The following CCSER1 variants were observed in gnomAD, a reference collection of about 807,000 sequenced individuals.
The protein encoded by CCSER1 is coiled-coil serine rich protein 1.
CCSER1 carries 41 observed loss-of-function variants against 82.0 expected under a neutral mutation model. The ratio of observed to expected loss-of-function variants is 0.50; its 90% CI spans 0.39 to 0.65. CCSER1 has a LOEUF of 0.65. Among genes scored for constraint, CCSER1 ranks in the 30% least tolerant of loss-of-function variants. The pLI, the probability that CCSER1 is intolerant of heterozygous loss-of-function variation, is 0.00. For missense variants in CCSER1, 1,119 were observed against 1,064.2 expected (o/e 1.05, Z -0.72); for synonymous variants, 414 against 383.9 (o/e 1.08, Z -0.92).
intron 7 of CCSER1, among the ~76,000 whole-genome samples, chr4:90,799,714 T>G (rs1756532524): frequency 6.6e-6 from 1 of 152,134 alleles, no homozygotes; most frequent in Non-Finnish European, 1.5e-5. Flanking sequence ...TGGGAGCAAG[T>G]CAAACCAAGG....
chr4:90,884,263 A>T (rs1048812966), intron 8 of CCSER1, among the ~76,000 whole-genome samples: 1 of 152,206 alleles, frequency 6.6e-6, no homozygotes, highest in Admixed American at 6.5e-5. Context: ...AGTACATTCT[A>T]CAAAAGTATT....
intron 3 of CCSER1, among the ~76,000 whole-genome samples, chr4:90,314,557 C>T (rs1735832546): frequency 6.6e-6 from 1 of 151,852 alleles, no homozygotes; most frequent in Non-Finnish European, 1.5e-5. Flanking sequence ...TAGTTTGAGA[C>T]AAGCCTAGGC....
At chr4:90,944,872 C>T (rs948094474) in intron 9 of CCSER1, among the ~76,000 whole-genome samples, 10 of 152,210 alleles carry the variant, frequency 6.6e-5, no homozygotes, top group Admixed American at 2.0e-4. Flanking sequence ...CCCACCTGCT[C>T]TGTCTCCACC....
intron 10 of CCSER1, among the ~76,000 whole-genome samples, chr4:91,335,871 G>C (rs1404119646): frequency 2.6e-5 from 4 of 152,086 alleles, no homozygotes; most frequent in Non-Finnish European, 5.9e-5. Flanking sequence ...CAGTGTGGAA[G>C]AGTAATTTGA....
At chr4:90,312,217 G>T (rs1735408628) in intron 2 of CCSER1, among the ~76,000 whole-genome samples, 1 of 152,116 alleles carries the variant, frequency 6.6e-6, no homozygotes, top group African/African-American at 2.4e-5. Context: ...ATGTACCAGA[G>T]CAGCAAGAGT....
chr4:90,812,436 A>G (rs546879604), intron 7 of CCSER1, among the ~76,000 whole-genome samples: 1 of 152,202 alleles, frequency 6.6e-6, no homozygotes, highest in Non-Finnish European at 1.5e-5. Flanking sequence ...TATTGTGTAC[A>G]TTGAGGTCGT....
At chr4:91,071,637 CTATT>C (rs988012668) in intron 9 of CCSER1, among the ~76,000 whole-genome samples, 1 of 151,990 alleles carries the variant, frequency 6.6e-6, no homozygotes, top group Non-Finnish European at 1.5e-5. Flanking sequence ...CTCTTTTTAC[CTATT>C]TGAGTGCATT....
intron 10 of CCSER1, among the ~76,000 whole-genome samples, chr4:91,137,836 T>C (rs1728637161): frequency 6.8e-6 from 1 of 147,742 alleles, no homozygotes; most frequent in Non-Finnish European, 1.5e-5. Flanking sequence ...CCATTCACAA[T>C]TGCTTCAAAG....
At chr4:91,156,946 C>G (rs10010350) in intron 10 of CCSER1, among the ~76,000 whole-genome samples, 17,103 of 151,862 alleles carry the variant, frequency 0.11, 1,217 homozygotes, top group East Asian at 0.24. Flanking sequence ...AGAAATCCTT[C>G]CATCTCTATA....
At chr4:91,483,793 A>G (rs1486143878) in intron 10 of CCSER1, among the ~76,000 whole-genome samples, 1 of 152,242 alleles carries the variant, frequency 6.6e-6, no homozygotes, top group Middle Eastern at 3.4e-3. Flanking sequence ...AGAGTAATTT[A>G]TTCTGAAATT....
chr4:90,512,149 G>A (rs1230776398), intron 5 of CCSER1, among the ~76,000 whole-genome samples: 1 of 151,910 alleles, frequency 6.6e-6, no homozygotes, highest in Non-Finnish European at 1.5e-5. Context: ...TCTTCTTCAT[G>A]ATGTCATCTC....
intron 1 of CCSER1, 25 bp from the exon 2 acceptor site, chr4:90,308,219 T>C: frequency 7.0e-7 from 1 of 1,432,464 alleles, no homozygotes; most frequent in Non-Finnish European, 9.2e-7. Flanking sequence ...TATTGACTTG[T>C]TGTTTTTGTT....
chr4:90,599,269 G>A (rs1783752366), intron 5 of CCSER1, among the ~76,000 whole-genome samples: 1 of 152,102 alleles, frequency 6.6e-6, no homozygotes, highest in Admixed American at 6.6e-5. Context: ...TGGATCATGG[G>A]GTGGTTTTTC....
intron 5 of CCSER1, among the ~76,000 whole-genome samples, chr4:90,560,982 T>C (rs914581731): frequency 6.6e-6 from 1 of 152,218 alleles, no homozygotes; most frequent in Non-Finnish European, 1.5e-5. Context: ...TTCAATATCA[T>C]TTAATCATAA....
intron 10 of CCSER1, among the ~76,000 whole-genome samples, chr4:91,567,796 A>T (rs1329566824): frequency 6.6e-6 from 1 of 151,912 alleles, no homozygotes; most frequent in Non-Finnish European, 1.5e-5. Context: ...ACAGCTACCC[A>T]CTGAGTCTTG....
intron 6 of CCSER1, among the ~76,000 whole-genome samples, chr4:90,636,398 A>G (rs1725423104): frequency 6.6e-6 from 1 of 151,972 alleles, no homozygotes; most frequent in South Asian, 2.1e-4. Flanking sequence ...ACATATGCCT[A>G]TTAAAAAAAA....
At chr4:91,199,976 C>A (rs1231302616) in intron 10 of CCSER1, among the ~76,000 whole-genome samples, 1 of 151,770 alleles carries the variant, frequency 6.6e-6, no homozygotes, top group African/African-American at 2.4e-5. Context: ...AGAGAATTGT[C>A]TTTTTTTAGT....
At chr4:90,518,988 A>T (rs1018135829) in intron 5 of CCSER1, among the ~76,000 whole-genome samples, 5 of 151,912 alleles carry the variant, frequency 3.3e-5, no homozygotes, top group Non-Finnish European at 7.4e-5. Flanking sequence ...TCTACTTAAC[A>T]TAGGATGATA....
intron 5 of CCSER1, among the ~76,000 whole-genome samples, chr4:90,534,287 G>T (rs978826996): frequency 3.9e-5 from 6 of 152,072 alleles, no homozygotes; most frequent in African/African-American, 1.4e-4. Flanking sequence ...CCGCCACCAC[G>T]CCTGGCTAAT....
Sources: allele counts gnomAD v4.1 joint callset (sites outside exome capture counted in the v4.1 genomes callset), GRCh38; gene constraint gnomAD v4.1.1; transcripts MANE v1.5; gene names NCBI Gene and HGNC (gene_info 2026-07-23, HGNC 2026-07-21).